The following OLAH variants were observed in gnomAD, a reference collection of about 807,000 sequenced individuals.
OLAH encodes S-acyl fatty acid synthase thioesterase, medium chain.
Under a neutral mutation model 27.8 loss-of-function variants are expected in OLAH, and 33 were observed. The observed-to-expected ratio is 1.19, with a 90% CI of 0.90 to 1.59. The LOEUF is 1.59. Ranked by LOEUF, OLAH falls within the 40% of genes most tolerant of loss-of-function variation. OLAH has a pLI of 0.00. For synonymous variants in OLAH, 120 were observed against 102.9 expected, an observed-to-expected ratio of 1.17 and a Z score of -1.01; for missense variants, 359 against 310.8, an observed-to-expected ratio of 1.16 and a Z score of -1.17.
At chr10:15,071,407 A>C in intron 6 of OLAH, 1 of 510,562 alleles carries the variant, frequency 2.0e-6, no homozygotes, top group Non-Finnish European at 2.5e-6. Context: ...GACTCAATAA[A>C]CACGTTTGCT....
At chr10:15,058,967 C>A (rs201262925) in intron 3 of OLAH, among the ~76,000 whole-genome samples, 1 of 112,764 alleles carries the variant, frequency 8.9e-6, no homozygotes, top group Non-Finnish European at 1.9e-5. Context: ...CTCCTTCCCT[C>A]CCTCCCTCTC....
chr10:15,049,201 A>G (rs1844084635), intron 2 of OLAH, among the ~76,000 whole-genome samples: 1 of 144,070 alleles, frequency 6.9e-6, no homozygotes, highest in Non-Finnish European at 1.5e-5. Context: ...TGGTGCAGTC[A>G]TAGCTCTCTG....
intron 3 of OLAH, among the ~76,000 whole-genome samples, chr10:15,058,266 A>G (rs994527179): frequency 4.0e-5 from 6 of 151,654 alleles, no homozygotes; most frequent in Non-Finnish European, 7.4e-5. Flanking sequence ...TTTTTTTTTA[A>G]GTTTTTCGTG....
intron 1 of OLAH, among the ~76,000 whole-genome samples, chr10:15,034,804 C>CTTTCT (rs1471907067): frequency 1.2e-5 from 1 of 83,468 alleles, no homozygotes; most frequent in Non-Finnish European, 2.8e-5. Context: ...TTCTTTCTTT[C>CTTTCT]TTTTTTTTTT....
intron 6 of OLAH, among the ~76,000 whole-genome samples, chr10:15,066,165 C>G (rs75977683): frequency 6.6e-6 from 1 of 150,386 alleles, no homozygotes; most frequent in Non-Finnish European, 1.5e-5. Context: ...CACTTGAAGT[C>G]AGGAGGCGGA....
intron 4 of OLAH, among the ~76,000 whole-genome samples, chr10:15,062,602 A>C (rs1844389225): frequency 6.6e-6 from 1 of 150,742 alleles, no homozygotes; most frequent in African/African-American, 2.4e-5. Context: ...ATTAAATTAA[A>C]TATATTTATA....
At chr10:15,065,435 C>T (rs766046122) in intron 5 of OLAH, 149 bp from the exon 6 acceptor site, 22 of 737,272 alleles carry the variant, frequency 3.0e-5, no homozygotes, top group Middle Eastern at 4.0e-4. Context: ...ACTTTCAAAA[C>T]GACATAGTTC....
At chr10:15,061,650 T>TATGAG in intron 3 of OLAH, 74 bp from the exon 4 acceptor site, 1 of 1,372,480 alleles carries the variant, frequency 7.3e-7, no homozygotes, top group African/African-American at 1.5e-5. Context: ...ATCAGGTAAA[T>TATGAG]ATGAGCCCTT....
rs1474797647 is a variant in OLAH at position 15,073,810 on chromosome 10, A to T, written c.*581A>T. ...TTCAGTTAGTTTAATGGTGAAGATGATTAACAGGGGAAATGCTTGAAGTAA... is the reference window on the plus strand; with the variant it reads ...TTCAGTTAGTTTAATGGTGAAGATGTTTAACAGGGGAAATGCTTGAAGTAA... On this transcript the variant is annotated 3_prime_UTR_variant, in exon 8 of 8. Coordinates refer to ENST00000378228, the MANE Select transcript of OLAH (RefSeq NM_001039702.3). 6.6e-6 allele frequency: 1 copy of T among 152,164 alleles called. No individual in the cohort carries two copies. The highest frequency in any genetic ancestry group is 1.5e-5 in the Non-Finnish European group (1 of 68,034). 9.4% of individuals were successfully genotyped at this position (152,164 alleles called of 1,614,324 possible).
upstream of OLAH, among the ~76,000 whole-genome samples, chr10:15,040,034 A>C (rs1162306276): frequency 6.6e-6 from 1 of 151,942 alleles, no homozygotes; most frequent in Non-Finnish European, 1.5e-5. Flanking sequence ...TTGAAATTTC[A>C]CCTTTCCATT....
chr10:15,040,277 C>T (rs1843900755), upstream of OLAH, among the ~76,000 whole-genome samples: 1 of 152,132 alleles, frequency 6.6e-6, no homozygotes, highest in Admixed American at 6.6e-5. Flanking sequence ...CAGTCTCATG[C>T]TTGGGTCAAC....
At chr10:15,034,380 A>C (rs1843808436) in intron 1 of OLAH, among the ~76,000 whole-genome samples, 1 of 151,900 alleles carries the variant, frequency 6.6e-6, no homozygotes, top group Non-Finnish European at 1.5e-5. Flanking sequence ...TGATCTGCCC[A>C]CCTCGGCCTC....
rs969575652 is a variant in OLAH at position 15,047,141 on chromosome 10, A to G, written c.-148A>G. The G allele has an allele frequency of 1.7e-5, 11 of 631,246 alleles. No individual in the cohort carries two copies. Among genetic ancestry groups the G allele is most frequent in the Middle Eastern group, 4.4e-4 (1 of 2,270 alleles). 39.1% of individuals were successfully genotyped at this position (631,246 alleles called of 1,614,324 possible). A position where few individuals can be genotyped will look rare whatever the true frequency, so the allele number is the denominator to read the frequency against. ...TTTTTAACAGGGATTGGAGAGGTCA[A>G]TAAGAGTCAGCGCCTTTAAAAAGAA... On this transcript the variant is annotated 5_prime_UTR_variant, in exon 2 of 8. Transcript: ENST00000378228.
In OLAH at chr10:15,033,128, C is replaced by T. The variant is rs544569255; in HGVS notation, c.-164+778C>T. On this transcript the variant is annotated intron_variant, in intron 1 of 3. Transcript: ENST00000413672. ...CTGACCTAAAGCGATCCACCTGCCT[C>T]GGCCTCCCAAAGTGCTAGAATTACA... Among the ~76,000 whole-genome samples the T allele has an allele frequency of 3.3e-5, 5 of 151,996 alleles. No individual in the cohort carries two copies. In the East Asian group the frequency reaches 5.8e-4, roughly 18 times the overall value.
chr10:15,066,451 T>G lies in OLAH; in HGVS notation c.572+698T>G, dbSNP rs1019442688. Among the ~76,000 whole-genome samples the G allele has an allele frequency of 2.0e-5, 3 of 152,092 alleles. No individual in the cohort carries two copies. In the East Asian group the frequency reaches 5.8e-4, roughly 29 times the overall value. ...TGTGGAGAAATTTGCTAGGTTTGCT[T>G]TTTTGTACATTTTGTTCCAGAACTC... On this transcript the variant is annotated intron_variant, in intron 6 of 7. Coordinates refer to ENST00000378228, the MANE Select transcript of OLAH (RefSeq NM_001039702.3).
intron 3 of OLAH, among the ~76,000 whole-genome samples, chr10:15,059,343 C>A (rs938992622): frequency 2.0e-5 from 3 of 150,484 alleles, no homozygotes; most frequent in African/African-American, 7.3e-5. Flanking sequence ...TGCACCACCA[C>A]ACTCAGCTGA....
intron 1 of OLAH, among the ~76,000 whole-genome samples, chr10:15,035,391 T>C (rs1289803423): frequency 1.3e-5 from 2 of 152,120 alleles, no homozygotes; most frequent in African/African-American, 4.8e-5. Flanking sequence ...AGGGTAGCTC[T>C]GGCATCTGCT....
At chr10:15,041,585 T>C (rs1415776638), upstream of OLAH, among the ~76,000 whole-genome samples, 6 of 151,044 alleles carry the variant, frequency 4.0e-5, no homozygotes, top group Non-Finnish European at 7.4e-5. Context: ...GCCATTTTTT[T>C]TTTCTTTTGG....
rs1844355027 is a variant in OLAH at position 15,061,180 on chromosome 10, T to A, written c.164-544T>A. Among the ~76,000 whole-genome samples the A allele has an allele frequency of 3.3e-5, 5 of 152,266 alleles. No homozygotes were observed. The South Asian group carries it at 8.3e-4, about 25-fold the overall frequency. ...TGTTTAAAAAAATCTAAGGGCAGAC[T>A]TTTTCCCCCATCCAGAGCCAAGGCA... On this transcript the variant is annotated intron_variant, in intron 3 of 7. Transcript: ENST00000378228.
Sources: gnomAD v4.1 joint callset for allele counts (sites outside exome capture counted in the v4.1 genomes callset) on GRCh38, gnomAD v4.1.1 for gene constraint, MANE v1.5 for transcripts, NCBI Gene and HGNC (gene_info 2026-07-23, HGNC 2026-07-21) for gene names.